The following CHRM5 variants were observed in gnomAD, a reference collection of about 807,000 sequenced individuals.
CHRM5 encodes muscarinic acetylcholine receptor M5.
In CHRM5, 18 loss-of-function variants were observed where a neutral mutation model predicts 39.0. That is an observed-to-expected ratio of 0.46 (90% CI 0.32 to 0.68). CHRM5 has a LOEUF of 0.68. Ranked by LOEUF, CHRM5 falls within the 30% of genes least tolerant of loss-of-function variation. The probability of loss-of-function intolerance (pLI) is 0.04; values close to 1 mark genes in which losing one functional copy is unlikely to be tolerated. For missense variants in CHRM5, 515 were observed against 651.1 expected, an observed-to-expected ratio of 0.79 and a Z score of 2.28; for synonymous variants, 241 against 246.3, an observed-to-expected ratio of 0.98 and a Z score of 0.20.
intron 1 of CHRM5, among the ~76,000 whole-genome samples, chr15:33,980,983 T>C (rs1383429868): frequency 6.6e-6 from 1 of 152,160 alleles, no homozygotes; most frequent in African/African-American, 2.4e-5. Context: ...GTAAAAACTT[T>C]CTCACTTTAA....
At position 34,017,600 on chromosome 15, in the gene CHRM5, C is replaced by G. The variant is rs191505597; in HGVS notation, c.-407-28940C>G. ...GTTCAAGCAATTCTCCTGCCTGAGTCTCTCAAGTAGCTGTGACTACAGGTG... is the reference window on the plus strand; with the variant it reads ...GTTCAAGCAATTCTCCTGCCTGAGTGTCTCAAGTAGCTGTGACTACAGGTG... On this transcript the variant is annotated intron_variant, in intron 1 of 2. Transcript: ENST00000383263. Among the ~76,000 whole-genome samples the G allele has an allele frequency of 2.3e-4, 34 of 150,588 alleles. No homozygotes were observed. The East Asian group carries it at 5.5e-3, about 24-fold the overall frequency.
At chr15:34,013,628 G>C (rs1897733060) in intron 1 of CHRM5, among the ~76,000 whole-genome samples, 1 of 152,198 alleles carries the variant, frequency 6.6e-6, no homozygotes, top group Non-Finnish European at 1.5e-5. Flanking sequence ...CAGGCCTCAA[G>C]AACTCACAGT....
chr15:33,989,758 T>C (rs1016105471), intron 1 of CHRM5, among the ~76,000 whole-genome samples: 2 of 152,032 alleles, frequency 1.3e-5, no homozygotes, highest in African/African-American at 4.8e-5. Flanking sequence ...CAATTAAATA[T>C]GACATTGATC....
At chr15:34,046,958 C>T (rs1899714299) in intron 2 of CHRM5, 87 bp downstream of exon 2, 1 of 152,314 alleles carries the variant, frequency 6.6e-6, no homozygotes, top group South Asian at 2.1e-4. Flanking sequence ...CCTTGTGAGC[C>T]CATGCCAGCA....
At chr15:34,001,968 A>T (rs1349904981) in intron 1 of CHRM5, among the ~76,000 whole-genome samples, 1 of 152,196 alleles carries the variant, frequency 6.6e-6, no homozygotes, top group South Asian at 2.1e-4. Context: ...TGCATCCTTT[A>T]TATCTTTTTA....
At chr15:34,041,291 T>C (rs959515184) in intron 1 of CHRM5, among the ~76,000 whole-genome samples, 1 of 152,134 alleles carries the variant, frequency 6.6e-6, no homozygotes, top group East Asian at 1.9e-4. Flanking sequence ...CTAGCACAGA[T>C]AGATTGGTGC....
chr15:34,057,142 G>GTT (rs763552413), intron 2 of CHRM5, among the ~76,000 whole-genome samples: 50 of 148,842 alleles, frequency 3.4e-4, no homozygotes, highest in South Asian at 6.3e-4. Flanking sequence ...GTTTTTTTTG[G>GTT]TTTTTTTTTT....
intron 1 of CHRM5, among the ~76,000 whole-genome samples, chr15:34,024,854 C>A (rs1248189842): frequency 9.0e-6 from 1 of 111,194 alleles, no homozygotes; most frequent in Non-Finnish European, 2.3e-5. Flanking sequence ...AAGCAAGACT[C>A]CTTCTCAAAA....
intron 1 of CHRM5, chr15:34,038,912 CCCGCCGCCG>C (rs930200206): frequency 4.5e-6 from 5 of 1,111,812 alleles, no homozygotes; most frequent in Non-Finnish European, 5.5e-6. Flanking sequence ...CGCCTCCGTC[CCCGCCGCCG>C]CCTCCGCCGC....
chr15:34,054,111 A>G (rs2140832661), intron 2 of CHRM5, among the ~76,000 whole-genome samples: 1 of 152,348 alleles, frequency 6.6e-6, no homozygotes, highest in Middle Eastern at 3.4e-3. Context: ...AGAAATGCAA[A>G]TCAAAAACAC....
rs544223897 is a variant in CHRM5 at position 33,983,842 on chromosome 15, T to C, written c.-408+14692T>C. On this transcript the variant is annotated intron_variant, in intron 1 of 2. Coordinates refer to ENST00000383263, the MANE Select transcript of CHRM5 (RefSeq NM_012125.4). ...CATCATCAGCAGTAAGTCCTATAAA[T>C]ATTTTGTGTCCACTGACATGATCCA... 3.9e-5 allele frequency among the ~76,000 whole-genome samples: 6 copies of C among 151,986 alleles called. No homozygotes were observed. The East Asian group carries it at 9.7e-4, about 24-fold the overall frequency.
chr15:33,988,355 T>C (rs1427469129), intron 1 of CHRM5, among the ~76,000 whole-genome samples: 2 of 152,254 alleles, frequency 1.3e-5, no homozygotes, highest in East Asian at 1.9e-4. Flanking sequence ...CTGATTCTGC[T>C]ACCTAAGAGA....
At chr15:34,038,450 G>T (rs1899259809) in intron 1 of CHRM5, among the ~76,000 whole-genome samples, 1 of 152,312 alleles carries the variant, frequency 6.6e-6, no homozygotes, top group Non-Finnish European at 1.5e-5. Context: ...AGCCCAGCCG[G>T]CCCACGGGCC....
intron 1 of CHRM5, among the ~76,000 whole-genome samples, chr15:34,023,166 C>T (rs994786578): frequency 7.3e-5 from 11 of 151,662 alleles, no homozygotes; most frequent in African/African-American, 1.7e-4. Flanking sequence ...GGCAACAGAG[C>T]GAGACTCGGT....
intron 1 of CHRM5, among the ~76,000 whole-genome samples, chr15:33,980,656 A>G (rs973124327): frequency 2.6e-5 from 4 of 152,192 alleles, no homozygotes; most frequent in Admixed American, 6.5e-5. Context: ...CACACAGAAA[A>G]GAGAGGCAAG....
At chr15:33,979,665 G>T (rs1896049849) in intron 1 of CHRM5, among the ~76,000 whole-genome samples, 1 of 152,090 alleles carries the variant, frequency 6.6e-6, no homozygotes, top group Non-Finnish European at 1.5e-5. Flanking sequence ...TTTTCAGAAT[G>T]AACATTCTAT....
chr15:34,046,356 A>AAAC (rs1555520158), intron 1 of CHRM5, among the ~76,000 whole-genome samples, 184 bp from the exon 2 acceptor site: 1 of 151,464 alleles, frequency 6.6e-6, no homozygotes, highest in Non-Finnish European at 1.5e-5. Context: ...AAAAAAAAAA[A>AAAC]ACGGGAAAAA....
At chr15:34,036,075 C>A (rs1200944960) in intron 1 of CHRM5, among the ~76,000 whole-genome samples, 1 of 151,302 alleles carries the variant, frequency 6.6e-6, no homozygotes, top group Non-Finnish European at 1.5e-5. Flanking sequence ...GGATTACAAG[C>A]GCGAGCCACC....
chr15:34,039,179 G>T (rs1350317006), intron 1 of CHRM5: 1 of 793,488 alleles, frequency 1.3e-6, no homozygotes, highest in African/African-American at 1.9e-5. Flanking sequence ...CGGGGTGCGG[G>T]GCTAGGGATC....
Sources: allele counts gnomAD v4.1 joint callset (sites outside exome capture counted in the v4.1 genomes callset), GRCh38; gene constraint gnomAD v4.1.1; transcripts MANE v1.5; gene names NCBI Gene and HGNC (gene_info 2026-07-23, HGNC 2026-07-21).